SPOCK1: variants seen among roughly 807,000 people sequenced by gnomAD.
SPOCK1 encodes the protein SPARC (osteonectin), cwcv and kazal like domains proteoglycan 1.
A neutral mutation model predicts 55.3 loss-of-function variants in SPOCK1; 23 were observed. That is an observed-to-expected ratio of 0.42 (90% CI 0.30 to 0.59). SPOCK1 has a LOEUF of 0.59. Ranked by LOEUF, SPOCK1 falls within the 20% of genes least tolerant of loss-of-function variation. SPOCK1 has a pLI of 0.22. For synonymous variants in SPOCK1, 226 were observed against 221.0 expected, an observed-to-expected ratio of 1.02 and a Z score of -0.20; for missense variants, 499 against 552.5, an observed-to-expected ratio of 0.90 and a Z score of 0.97.
At chr5:137,405,359 T>C (rs1486428445) in intron 2 of SPOCK1, among the ~76,000 whole-genome samples, 1 of 152,222 alleles carries the variant, frequency 6.6e-6, no homozygotes, top group Non-Finnish European at 1.5e-5. Context: ...TGCAAGTTAT[T>C]AAGTCTCTGA....
chr5:137,035,788 T>C (rs371004909), intron 6 of SPOCK1, among the ~76,000 whole-genome samples: 53 of 152,312 alleles, frequency 3.5e-4, no homozygotes, highest in East Asian at 2.7e-3. Context: ...CCCAGGAGAC[T>C]ACTCAACTTG....
chr5:137,301,998 T>C (rs1164925962), intron 2 of SPOCK1, among the ~76,000 whole-genome samples: 3 of 152,138 alleles, frequency 2.0e-5, no homozygotes, highest in African/African-American at 7.2e-5. Context: ...TAAAACAATG[T>C]GCTTTCAACC....
chr5:137,465,900 G>A (rs892949922), intron 2 of SPOCK1, among the ~76,000 whole-genome samples: 2 of 152,122 alleles, frequency 1.3e-5, no homozygotes, highest in Non-Finnish European at 1.5e-5. Context: ...ACAGCACAAG[G>A]TCTTAGAACC....
At chr5:137,141,397 G>C (rs1030632127) in intron 3 of SPOCK1, among the ~76,000 whole-genome samples, 3 of 152,208 alleles carry the variant, frequency 2.0e-5, no homozygotes, top group African/African-American at 7.2e-5. Flanking sequence ...CCTATGAAAA[G>C]TCCTTGAGGA....
intron 2 of SPOCK1, among the ~76,000 whole-genome samples, chr5:137,274,421 C>T (rs890813731): frequency 4.6e-5 from 7 of 152,250 alleles, no homozygotes; most frequent in South Asian, 2.1e-4. Context: ...TCAGCTTCTC[C>T]GAGTCAATTT....
chr5:137,218,623 C>T (rs1429525433), intron 3 of SPOCK1, among the ~76,000 whole-genome samples: 1 of 152,184 alleles, frequency 6.6e-6, no homozygotes, highest in Non-Finnish European at 1.5e-5. Flanking sequence ...TCACGCTTTG[C>T]TGGGAAAATT....
intron 6 of SPOCK1, among the ~76,000 whole-genome samples, chr5:137,024,316 G>C (rs111945614): frequency 7.1e-6 from 1 of 139,954 alleles, no homozygotes; most frequent in Non-Finnish European, 1.5e-5. Context: ...CAGTTTGAAG[G>C]GGGGGGGGTA....
In SPOCK1 at chr5:137,332,828, G is replaced by A. The variant is rs866212510; in HGVS notation, c.187-65773C>T. Among the ~76,000 whole-genome samples, 4 of 152,254 alleles carry A rather than the reference G, an allele frequency of 2.6e-5. No homozygotes were observed. In the Middle Eastern group the frequency reaches 0.01, roughly 388 times the overall value. Reference sequence around the variant, plus strand: ...CTGAAAAAATGCATATATAACAAACGTTGAAATCATGGTCCAAGGCAAAAT... The same window carrying A: ...CTGAAAAAATGCATATATAACAAACATTGAAATCATGGTCCAAGGCAAAAT... On this transcript the variant is annotated intron_variant, in intron 2 of 10. Coordinates refer to ENST00000394945, the MANE Select transcript of SPOCK1 (RefSeq NM_004598.4).
intron 3 of SPOCK1, among the ~76,000 whole-genome samples, chr5:137,198,947 G>C (rs1755356453): frequency 6.6e-6 from 1 of 152,180 alleles, no homozygotes; most frequent in African/African-American, 2.4e-5. Flanking sequence ...CTACCTTAAA[G>C]TATCTGCAAA....
chr5:137,336,312 G>A (rs1269679469), intron 2 of SPOCK1, among the ~76,000 whole-genome samples: 2 of 152,176 alleles, frequency 1.3e-5, no homozygotes, highest in Admixed American at 1.3e-4. Flanking sequence ...GACAGGCCCT[G>A]CAGCCTGGTT....
chr5:137,484,561 T>C (rs574570218), intron 2 of SPOCK1, among the ~76,000 whole-genome samples: 90 of 152,322 alleles, frequency 5.9e-4, no homozygotes, highest in African/African-American at 2.0e-3. Flanking sequence ...CTGATACCCG[T>C]GGCTGGAAAA....
At chr5:137,453,998 T>C (rs1393470176) in intron 2 of SPOCK1, among the ~76,000 whole-genome samples, 1 of 151,762 alleles carries the variant, frequency 6.6e-6, no homozygotes, top group African/African-American at 2.4e-5. Context: ...CATTATGATG[T>C]ACAAGGATGT....
intron 2 of SPOCK1, among the ~76,000 whole-genome samples, chr5:137,486,879 C>T (rs1039752439): frequency 6.6e-6 from 1 of 152,210 alleles, no homozygotes; most frequent in African/African-American, 2.4e-5. Context: ...GACAAAGGCT[C>T]CAGACCAGGT....
chr5:137,134,188 A>G (rs1753937004), intron 4 of SPOCK1, among the ~76,000 whole-genome samples: 1 of 152,216 alleles, frequency 6.6e-6, no homozygotes, highest in African/African-American at 2.4e-5. Flanking sequence ...AATGGGTATT[A>G]TAATACTGAC....
intron 5 of SPOCK1, among the ~76,000 whole-genome samples, chr5:137,108,005 T>G (rs958943557): frequency 5.9e-5 from 9 of 152,214 alleles, no homozygotes; most frequent in Admixed American, 2.6e-4. Flanking sequence ...CAACTACACA[T>G]GCGTCATGGT....
At chr5:137,411,333 G>A (rs895501711) in intron 2 of SPOCK1, among the ~76,000 whole-genome samples, 4 of 152,124 alleles carry the variant, frequency 2.6e-5, no homozygotes, top group African/African-American at 9.7e-5. Flanking sequence ...GTTACAAGCA[G>A]GAGGCAAGAT....
At chr5:137,158,267 C>T (rs72794517) in intron 3 of SPOCK1, among the ~76,000 whole-genome samples, 4,680 of 152,264 alleles carry the variant, frequency 0.031, 103 homozygotes, top group Non-Finnish European at 0.041. Flanking sequence ...AATGATTAGA[C>T]TGGGGTTCCT....
intron 4 of SPOCK1, among the ~76,000 whole-genome samples, chr5:137,116,115 C>A (rs1225102444): frequency 6.6e-6 from 1 of 152,184 alleles, no homozygotes; most frequent in African/African-American, 2.4e-5. Context: ...TGCCAAGGGG[C>A]AGCCACATCT....
Position 136,978,150 on chromosome 5 carries a change from C to A in SPOCK1, c.*504G>T, listed in dbSNP as rs947021754. ...AAAACTAATTTTTAATAATAATCAC[C>A]GGCAGTAACGGGGGCAGGGGGAAAA... On this transcript the variant is annotated 3_prime_UTR_variant, in exon 11 of 11. Transcript: ENST00000394945. The A allele has an allele frequency of 7.8e-6, 3 of 384,788 alleles. No individual in the cohort carries two copies. The highest frequency in any genetic ancestry group is 2.1e-5 in the African/African-American group (1 of 48,426). The allele number at this position is 384,788 out of a possible 1,614,324, so 23.8% of individuals were successfully genotyped here.
Sources: gnomAD v4.1 joint callset for allele counts (sites outside exome capture counted in the v4.1 genomes callset) on GRCh38, gnomAD v4.1.1 for gene constraint, MANE v1.5 for transcripts, NCBI Gene and HGNC (gene_info 2026-07-23, HGNC 2026-07-21) for gene names.